Variants in PLCH1 observed in about 807,000 individuals in gnomAD.
The protein encoded by PLCH1 is 1-phosphatidylinositol 4,5-bisphosphate phosphodiesterase eta-1.
Under a neutral mutation model 126.7 loss-of-function variants are expected in PLCH1, and 60 were observed. The observed-to-expected ratio is 0.47, with a 90% confidence interval of 0.38 to 0.59. PLCH1 has a LOEUF of 0.59. Ranked by LOEUF, PLCH1 falls within the 20% of genes least tolerant of loss-of-function variation. The pLI is 0.00. For synonymous variants in PLCH1, 719 were observed against 734.9 expected (o/e 0.98, Z 0.35); for missense variants, 1,723 against 2,040.0 (o/e 0.84, Z 2.99).
chr3:155,546,699 C>A (rs973537154), intron 10 of PLCH1, among the ~76,000 whole-genome samples: 12 of 150,330 alleles, frequency 8.0e-5, no homozygotes, highest in Non-Finnish European at 1.6e-4. Flanking sequence ...AGATATAGAT[C>A]AATGGAACAG....
At chr3:155,683,720 A>T (rs1744710191) in intron 2 of PLCH1, among the ~76,000 whole-genome samples, 1 of 152,202 alleles carries the variant, frequency 6.6e-6, no homozygotes, top group Non-Finnish European at 1.5e-5. Context: ...GTCACACGGG[A>T]ATCTCTCATG....
chr3:155,537,219 A>C (rs1723534690), intron 10 of PLCH1, among the ~76,000 whole-genome samples: 7 of 10,010 alleles, frequency 7.0e-4, no homozygotes, highest in Non-Finnish European at 1.5e-3. Flanking sequence ...AAAAAAAAAA[A>C]AAAAAAAAAA....
At chr3:155,517,728 C>A (rs767425442) in intron 11 of PLCH1, among the ~76,000 whole-genome samples, 1 of 152,180 alleles carries the variant, frequency 6.6e-6, no homozygotes, top group African/African-American at 2.4e-5. Context: ...AGCTCACATA[C>A]ATAAGTACCA....
Position 155,488,942 on chromosome 3 carries a change from T to A in PLCH1, c.2393-136A>T, listed in dbSNP as rs958701701. ...ACTCATGAAGACAACTAAGCCACACTCAAGGATGCCTTACTGGAATAAAGC... is the reference window on the plus strand; with the variant it reads ...ACTCATGAAGACAACTAAGCCACACACAAGGATGCCTTACTGGAATAAAGC... On this transcript the variant is annotated intron_variant, in intron 19 of 22. Coordinates refer to ENST00000460012, the MANE Select transcript of PLCH1 (RefSeq NM_014996.4). 6.0e-6 allele frequency: 4 copies of A among 671,442 alleles called. No individual in the cohort carries two copies. In the African/African-American group the frequency reaches 7.4e-5, roughly 12 times the overall value. The allele number at this position is 671,442 out of a possible 1,614,324, so 41.6% of individuals were successfully genotyped here.
chr3:155,517,633 T>C (rs1720525479), intron 11 of PLCH1, among the ~76,000 whole-genome samples: 1 of 152,188 alleles, frequency 6.6e-6, no homozygotes, highest in African/African-American at 2.4e-5. Context: ...TGTCATTGGA[T>C]TTAGGGCCCA....
At chr3:155,488,437 T>G (rs561654562) in intron 20 of PLCH1, among the ~76,000 whole-genome samples, 1 of 152,138 alleles carries the variant, frequency 6.6e-6, no homozygotes, top group Non-Finnish European at 1.5e-5. Context: ...CCTTAGGTGA[T>G]CCTCCCACCT....
At chr3:155,560,927 A>G (rs1004579908) in intron 8 of PLCH1, among the ~76,000 whole-genome samples, 1 of 152,096 alleles carries the variant, frequency 6.6e-6, no homozygotes, top group South Asian at 2.1e-4. Flanking sequence ...CGAGGGCACT[A>G]CTTCCTTTCT....
intron 2 of PLCH1, among the ~76,000 whole-genome samples, chr3:155,651,238 G>A (rs1392429294): frequency 6.6e-6 from 1 of 152,118 alleles, no homozygotes; most frequent in African/African-American, 2.4e-5. Context: ...CACTGCACAA[G>A]GATTCAAAGG....
chr3:155,545,090 A>T (rs1725028533), intron 10 of PLCH1, among the ~76,000 whole-genome samples: 1 of 151,834 alleles, frequency 6.6e-6, no homozygotes, highest in African/African-American at 2.4e-5. Context: ...AAAATTAATG[A>T]ATCCAGGAGC....
chr3:155,666,639 A>G (rs1376997977), intron 2 of PLCH1, among the ~76,000 whole-genome samples: 1 of 152,194 alleles, frequency 6.6e-6, no homozygotes, highest in East Asian at 1.9e-4. Context: ...AATTGAGTAG[A>G]TAATCTATTT....
chr3:155,729,953 A>G (rs1577378970), intron 1 of PLCH1, among the ~76,000 whole-genome samples: 1 of 151,714 alleles, frequency 6.6e-6, no homozygotes, highest in African/African-American at 2.4e-5. Context: ...ATGCTTAACC[A>G]TAAATTATTC....
chr3:155,506,090 A>T (rs1560084268), intron 12 of PLCH1, among the ~76,000 whole-genome samples: 1 of 152,204 alleles, frequency 6.6e-6, no homozygotes, highest in Admixed American at 6.5e-5. Flanking sequence ...CACCCTATTT[A>T]GTAGGAACCT....
At chr3:155,455,441 A>C (rs59107724) in intron 21 of PLCH1, among the ~76,000 whole-genome samples, 3 of 152,384 alleles carry the variant, frequency 2.0e-5, no homozygotes, top group African/African-American at 7.2e-5. Context: ...GGGTCAGCAG[A>C]GAATGGTAGA....
At chr3:155,528,608 T>C (rs1285805091) in intron 10 of PLCH1, among the ~76,000 whole-genome samples, 1 of 152,194 alleles carries the variant, frequency 6.6e-6, no homozygotes, top group African/African-American at 2.4e-5. Context: ...TAAAATAGAA[T>C]AAAAACCAAC....
intron 1 of PLCH1, among the ~76,000 whole-genome samples, chr3:155,715,368 C>T (rs1209258749): frequency 2.0e-5 from 3 of 152,062 alleles, no homozygotes. Context: ...GTGTCACAAT[C>T]ACAGCTCACG....
chr3:155,703,129 G>A (rs1746394798), intron 2 of PLCH1, among the ~76,000 whole-genome samples: 1 of 152,182 alleles, frequency 6.6e-6, no homozygotes, highest in Non-Finnish European at 1.5e-5. Flanking sequence ...CTTTTAGTGA[G>A]GTTGTATAAT....
intron 1 of PLCH1, among the ~76,000 whole-genome samples, chr3:155,706,172 CAAAAAAAAAAAAAA>C (rs34725442): frequency 1.8e-4 from 11 of 61,612 alleles, no homozygotes; most frequent in African/African-American, 5.7e-4. Context: ...GACTCTATCT[CAAAAAAAAAAAAAA>C]AAAAAAAAAA....
intron 6 of PLCH1, among the ~76,000 whole-genome samples, chr3:155,573,366 C>T (rs1850847): frequency 0.2 from 30,517 of 152,140 alleles, 4,091 homozygotes; most frequent in African/African-American, 0.38. Flanking sequence ...ACCCCATAAC[C>T]TAGAAACTTA....
chr3:155,730,395 T>C (rs1300572548), intron 1 of PLCH1, among the ~76,000 whole-genome samples: 1 of 152,024 alleles, frequency 6.6e-6, no homozygotes, highest in South Asian at 2.1e-4. Context: ...GATTCTCATG[T>C]CTCAGCCTCC....
Sources: allele counts gnomAD v4.1 joint callset (sites outside exome capture counted in the v4.1 genomes callset), GRCh38; gene constraint gnomAD v4.1.1; transcripts MANE v1.5; gene names NCBI Gene and HGNC (gene_info 2026-07-23, HGNC 2026-07-21).